CDH13: variants seen among roughly 807,000 people sequenced by gnomAD.
CDH13 encodes the protein cadherin 13.
CDH13 carries 24 observed loss-of-function variants against 63.8 expected under a neutral mutation model. That is an observed-to-expected ratio of 0.38 (90% CI 0.27 to 0.53). The LOEUF (loss-of-function observed/expected upper bound fraction) is 0.53, where lower values mean the gene tolerates loss of function less well. Among genes scored for constraint, CDH13 ranks in the 20% least tolerant of loss-of-function variants. CDH13 has a pLI of 0.85. For synonymous variants in CDH13, 503 were observed against 355.3 expected (o/e 1.42, Z -4.67); for missense variants, 1,049 against 903.1 (o/e 1.16, Z -2.07).
At chr16:82,749,946 G>A (rs1024541050) in intron 1 of CDH13, among the ~76,000 whole-genome samples, 4 of 152,120 alleles carry the variant, frequency 2.6e-5, no homozygotes, top group African/African-American at 9.7e-5. Flanking sequence ...TAGAAACATG[G>A]AACTAAAGGC....
chr16:83,605,330 A>G (rs1395172993), intron 8 of CDH13, among the ~76,000 whole-genome samples: 1 of 152,342 alleles, frequency 6.6e-6, no homozygotes, highest in Middle Eastern at 3.4e-3. Flanking sequence ...TAAATTCATG[A>G]TTAAACTTTC....
intron 7 of CDH13, among the ~76,000 whole-genome samples, chr16:83,580,502 CTCTCT>C: frequency 1.9e-5 from 2 of 108,054 alleles, no homozygotes; most frequent in Non-Finnish European, 3.7e-5. Context: ...CTCTCTCTCT[CTCTCT>C]AAGTCAGGTC....
intron 11 of CDH13, among the ~76,000 whole-genome samples, chr16:83,770,351 A>G (rs985967416): frequency 6.6e-6 from 1 of 152,186 alleles, no homozygotes; most frequent in Non-Finnish European, 1.5e-5. Context: ...ATTGCCAGGC[A>G]TTCCATTCAC....
intron 5 of CDH13, among the ~76,000 whole-genome samples, chr16:83,221,531 A>G (rs1471424107): frequency 6.6e-6 from 1 of 152,192 alleles, no homozygotes; most frequent in Non-Finnish European, 1.5e-5. Context: ...GAAATTCTAT[A>G]AAAATATTAG....
chr16:83,428,599 A>C (rs780676185), intron 6 of CDH13, among the ~76,000 whole-genome samples: 2 of 152,220 alleles, frequency 1.3e-5, no homozygotes, highest in Non-Finnish European at 2.9e-5. Context: ...AGAAATCAGA[A>C]CTTTGGTGCT....
intron 5 of CDH13, among the ~76,000 whole-genome samples, chr16:83,237,328 T>C (rs1904274855): frequency 6.6e-6 from 1 of 152,168 alleles, no homozygotes; most frequent in African/African-American, 2.4e-5. Context: ...AAGCAGAAGC[T>C]AGTGACCACG....
chr16:82,872,128 T>A (rs1253403610), intron 2 of CDH13, among the ~76,000 whole-genome samples: 1 of 152,216 alleles, frequency 6.6e-6, no homozygotes, highest in Non-Finnish European at 1.5e-5. Context: ...GTTGCTAAGG[T>A]CCCATTAAGT....
intron 7 of CDH13, among the ~76,000 whole-genome samples, chr16:83,506,487 G>T (rs185927640): frequency 6.6e-6 from 1 of 152,090 alleles, no homozygotes; most frequent in Non-Finnish European, 1.5e-5. Context: ...GTACCACTAC[G>T]TTCCTAACTC....
chr16:83,102,930 C>CTTTTTTTTTTTTTTTTTTTTTTTT (rs71148812), intron 3 of CDH13, among the ~76,000 whole-genome samples: 16 of 96,930 alleles, frequency 1.7e-4, no homozygotes, highest in African/African-American at 3.2e-4. Context: ...TTTTCTTTTT[C>CTTTTTTTTTTTTTTTTTTTTTTTT]TTTTTTTTTT....
intron 1 of CDH13, chr16:82,824,878 T>G (rs962137200): frequency 7.2e-5 from 11 of 152,342 alleles, no homozygotes; most frequent in Non-Finnish European, 1.6e-4. Flanking sequence ...CATTTAGAAA[T>G]TCTCATTAGT....
At chr16:83,249,180 G>C (rs1026247115) in intron 5 of CDH13, among the ~76,000 whole-genome samples, 5 of 152,188 alleles carry the variant, frequency 3.3e-5, no homozygotes, top group African/African-American at 7.2e-5. Flanking sequence ...ATGTCACACA[G>C]AGCCTGTTTC....
chr16:83,016,663 A>G (rs866138640), intron 2 of CDH13, among the ~76,000 whole-genome samples: 1 of 152,094 alleles, frequency 6.6e-6, no homozygotes, highest in Non-Finnish European at 1.5e-5. Flanking sequence ...GTTGCCTTAG[A>G]TGGTGTTCTT....
At chr16:83,078,425 G>C (rs1478683747) in intron 3 of CDH13, among the ~76,000 whole-genome samples, 2 of 152,198 alleles carry the variant, frequency 1.3e-5, no homozygotes, top group Non-Finnish European at 2.9e-5. Context: ...GTGCGACCTA[G>C]ATCCCTCGCA....
intron 2 of CDH13, among the ~76,000 whole-genome samples, chr16:82,864,180 C>A (rs555814011): frequency 1.2e-4 from 18 of 152,218 alleles, no homozygotes; most frequent in African/African-American, 3.9e-4. Context: ...TTTTCTGATA[C>A]TTTTCTGAAG....
chr16:83,422,260 A>T (rs1033791154), intron 6 of CDH13, among the ~76,000 whole-genome samples: 2 of 152,220 alleles, frequency 1.3e-5, no homozygotes, highest in African/African-American at 4.8e-5. Flanking sequence ...TGTATCATTG[A>T]ACTAAAAATC....
At chr16:83,648,670 A>G (rs369129735) in intron 8 of CDH13, among the ~76,000 whole-genome samples, 187 of 152,256 alleles carry the variant, frequency 1.2e-3, no homozygotes, top group Non-Finnish European at 1.3e-3. Flanking sequence ...ACAGCTCTTG[A>G]TTCGCTCAGA....
chr16:83,620,761 G>C (rs1203159890), intron 8 of CDH13, among the ~76,000 whole-genome samples: 1 of 152,170 alleles, frequency 6.6e-6, no homozygotes, highest in Non-Finnish European at 1.5e-5. Context: ...GAGCTACATG[G>C]TAAGAGTCTG....
intron 1 of CDH13, among the ~76,000 whole-genome samples, chr16:82,670,396 C>T (rs987467665): frequency 2.6e-5 from 4 of 152,172 alleles, no homozygotes; most frequent in Non-Finnish European, 5.9e-5. Context: ...CTTCACGCAC[C>T]TATGGGTGTG....
chr16:83,191,526 CACACATATAT>C (rs1555510550), intron 4 of CDH13, among the ~76,000 whole-genome samples: 1,739 of 101,634 alleles, frequency 0.017, 46 homozygotes, highest in African/African-American at 0.068. Context: ...CACACACACA[CACACATATAT>C]ATATATATAT....
Sources: allele counts gnomAD v4.1 joint callset (sites outside exome capture counted in the v4.1 genomes callset), GRCh38; gene constraint gnomAD v4.1.1; transcripts MANE v1.5; gene names NCBI Gene and HGNC (gene_info 2026-07-23, HGNC 2026-07-21).